Variants in TAFA4 observed in about 807,000 individuals in gnomAD.
TAFA4 encodes chemokine-like protein TAFA-4.
In TAFA4, 20 loss-of-function variants were observed where a neutral mutation model predicts 21.1. The observed-to-expected ratio is 0.95, with a 90% CI of 0.67 to 1.38. The LOEUF (loss-of-function observed/expected upper bound fraction) is 1.38. Among genes scored for constraint, TAFA4 ranks in the 40% most tolerant of loss-of-function variants. TAFA4 has a pLI of 0.00. For missense variants in TAFA4, 211 were observed against 180.9 expected (o/e 1.17, Z -0.95); for synonymous variants, 71 against 67.4 (o/e 1.05, Z -0.26).
intron 3 of TAFA4, among the ~76,000 whole-genome samples, chr3:68,784,510 C>T (rs890711093): frequency 4.0e-5 from 6 of 151,370 alleles, no homozygotes; most frequent in Non-Finnish European, 5.9e-5. Context: ...GCTCTTAAGG[C>T]GGTGCCTCTG....
At chr3:68,821,879 T>C (rs1449176622) in intron 3 of TAFA4, among the ~76,000 whole-genome samples, 1 of 152,234 alleles carries the variant, frequency 6.6e-6, no homozygotes, top group East Asian at 1.9e-4. Flanking sequence ...CTCTGTCTTC[T>C]ATTTAAAGAC....
chr3:68,885,130 C>T, intron 2 of TAFA4, 45 bp downstream of exon 2: 1 of 1,600,412 alleles, frequency 6.2e-7, no homozygotes, highest in Non-Finnish European at 8.5e-7. Flanking sequence ...ATTCTCAATA[C>T]TTTGTAAAGA....
chr3:68,854,098 A>G (rs1705013013), intron 3 of TAFA4, among the ~76,000 whole-genome samples: 1 of 152,142 alleles, frequency 6.6e-6, no homozygotes, highest in Admixed American at 6.5e-5. Flanking sequence ...AAGAATTATA[A>G]AGCAGGAGTA....
chr3:68,836,167 G>C (rs75338681), intron 3 of TAFA4, among the ~76,000 whole-genome samples: 20,627 of 152,176 alleles, frequency 0.14, 1,966 homozygotes, highest in African/African-American at 0.27. Flanking sequence ...GGTGGGTGAT[G>C]TAAGAATTGA....
At chr3:68,884,941 G>T (rs1031688632) in intron 2 of TAFA4, among the ~76,000 whole-genome samples, 2 of 152,146 alleles carry the variant, frequency 1.3e-5, no homozygotes, top group Non-Finnish European at 2.9e-5. Flanking sequence ...CAATAGATTT[G>T]TATTTCTTCA....
intron 3 of TAFA4, among the ~76,000 whole-genome samples, chr3:68,757,549 C>G (rs935013952): frequency 1.3e-5 from 2 of 152,170 alleles, no homozygotes; most frequent in African/African-American, 2.4e-5. Context: ...TCAGCAACTT[C>G]TTGGAGCAGT....
intron 3 of TAFA4, among the ~76,000 whole-genome samples, chr3:68,830,910 TC>T (rs1260339071): frequency 6.6e-6 from 1 of 152,244 alleles, no homozygotes; most frequent in Non-Finnish European, 1.5e-5. Context: ...AGTTAGCTCT[TC>T]TTGTTGAATA....
At chr3:68,734,709 A>G (rs955591668) in intron 5 of TAFA4, among the ~76,000 whole-genome samples, 2 of 152,080 alleles carry the variant, frequency 1.3e-5, no homozygotes, top group South Asian at 2.1e-4. Context: ...TAGTTTCTTC[A>G]TCTGCAAAAT....
At chr3:68,826,392 T>G (rs1575627123) in intron 3 of TAFA4, among the ~76,000 whole-genome samples, 1 of 151,966 alleles carries the variant, frequency 6.6e-6, no homozygotes, top group Non-Finnish European at 1.5e-5. Flanking sequence ...GCTAACACGG[T>G]GAAATCTGTC....
intron 3 of TAFA4, among the ~76,000 whole-genome samples, chr3:68,774,615 C>T: frequency 6.6e-6 from 1 of 152,132 alleles, no homozygotes; most frequent in Non-Finnish European, 1.5e-5. Context: ...GGTATTGGGT[C>T]AACTAGTAGC....
At chr3:68,920,184 A>T (rs1434477466) in intron 1 of TAFA4, among the ~76,000 whole-genome samples, 1 of 152,188 alleles carries the variant, frequency 6.6e-6, no homozygotes, top group Non-Finnish European at 1.5e-5. Flanking sequence ...AATGAGTGAG[A>T]CCTGTGTATG....
At chr3:68,770,844 T>C (rs1702943350) in intron 3 of TAFA4, among the ~76,000 whole-genome samples, 1 of 152,198 alleles carries the variant, frequency 6.6e-6, no homozygotes, top group Non-Finnish European at 1.5e-5. Flanking sequence ...TGGACCTAAA[T>C]GAAGACAGGC....
chr3:68,785,054 T>C (rs1194054165), intron 3 of TAFA4, among the ~76,000 whole-genome samples: 5 of 151,214 alleles, frequency 3.3e-5, no homozygotes, highest in Non-Finnish European at 7.4e-5. Flanking sequence ...GACATAAAGG[T>C]TCTCCAAGTC....
At chr3:68,791,381 C>G (rs568447942) in intron 3 of TAFA4, among the ~76,000 whole-genome samples, 1 of 152,084 alleles carries the variant, frequency 6.6e-6, no homozygotes, top group African/African-American at 2.4e-5. Flanking sequence ...CCAACTCAAG[C>G]CAAGGAATGC....
chr3:68,741,992 C>G (rs1450970800), intron 4 of TAFA4, among the ~76,000 whole-genome samples: 1 of 152,062 alleles, frequency 6.6e-6, no homozygotes, highest in Non-Finnish European at 1.5e-5. Flanking sequence ...CACTAGCAAA[C>G]TGAATTGAAC....
At chr3:68,733,799 A>T (rs562369674) in intron 5 of TAFA4, among the ~76,000 whole-genome samples, 1 of 152,166 alleles carries the variant, frequency 6.6e-6, no homozygotes, top group African/African-American at 2.4e-5. Flanking sequence ...TTTCAAAGCA[A>T]ATTATTTGAT....
intron 3 of TAFA4, among the ~76,000 whole-genome samples, chr3:68,824,519 T>C (rs906137214): frequency 6.6e-5 from 10 of 152,162 alleles, no homozygotes; most frequent in African/African-American, 2.4e-4. Flanking sequence ...TGACAGTGTG[T>C]CCATTTACAT....
chr3:68,734,709 A>C (rs955591668), intron 5 of TAFA4, among the ~76,000 whole-genome samples: 2 of 152,080 alleles, frequency 1.3e-5, no homozygotes, highest in African/African-American at 2.4e-5. Context: ...TAGTTTCTTC[A>C]TCTGCAAAAT....
At chr3:68,743,702 T>C (rs1412594703) in intron 4 of TAFA4, among the ~76,000 whole-genome samples, 1 of 152,176 alleles carries the variant, frequency 6.6e-6, no homozygotes, top group African/African-American at 2.4e-5. Context: ...CCTCTTTTGA[T>C]TGTCCCAACA....
Sources: allele counts gnomAD v4.1 joint callset (sites outside exome capture counted in the v4.1 genomes callset), GRCh38; gene constraint gnomAD v4.1.1; transcripts MANE v1.5; gene names NCBI Gene and HGNC (gene_info 2026-07-23, HGNC 2026-07-21).